KLHL4: variants seen among roughly 807,000 people sequenced by gnomAD.
The protein encoded by KLHL4 is kelch-like protein 4.
A neutral mutation model predicts 45.8 loss-of-function variants in KLHL4; 17 were observed. The ratio of observed to expected loss-of-function variants is 0.37; its 90% confidence interval spans 0.25 to 0.56. The LOEUF (loss-of-function observed/expected upper bound fraction) is 0.56. Among genes scored for constraint, KLHL4 ranks in the 20% least tolerant of loss-of-function variants. The probability of loss-of-function intolerance (pLI) is 0.79; values close to 1 mark genes in which losing one functional copy is unlikely to be tolerated. For synonymous variants in KLHL4, 224 were observed against 189.9 expected, an observed-to-expected ratio of 1.18 and a Z score of -1.47; for missense variants, 544 against 544.9, an observed-to-expected ratio of 1.00 and a Z score of 0.02.
At chrX:87,588,988 C>CA (rs1422811821) in intron 1 of KLHL4, among the ~76,000 whole-genome samples, 1 of 110,895 alleles carries the variant, frequency 9.0e-6, no homozygotes, top group East Asian at 2.8e-4. Context: ...ATAATTTGAT[C>CA]AAAAAATGAG....
intron 1 of KLHL4, among the ~76,000 whole-genome samples, chrX:87,543,744 G>A (rs746321187): frequency 9.0e-6 from 1 of 111,155 alleles, no homozygotes; most frequent in South Asian, 3.9e-4. Context: ...GAGCCAAAAT[G>A]CTCTCAGTCT....
intron 9 of KLHL4, among the ~76,000 whole-genome samples, chrX:87,646,340 A>G (rs182638859): frequency 1.8e-5 from 2 of 111,752 alleles, no homozygotes; most frequent in East Asian, 2.8e-4. Flanking sequence ...TACAGATTCA[A>G]TGCATTTGCC....
At chrX:87,548,353 G>C (rs1029434030) in intron 1 of KLHL4, among the ~76,000 whole-genome samples, 7 of 111,766 alleles carry the variant, frequency 6.3e-5, no homozygotes, top group African/African-American at 2.3e-4. Context: ...TACAAGAAAT[G>C]CTGAAGGAAG....
intron 1 of KLHL4, among the ~76,000 whole-genome samples, chrX:87,574,222 A>C (rs987953293): frequency 2.7e-5 from 3 of 111,542 alleles, no homozygotes; most frequent in African/African-American, 6.5e-5. Context: ...CAATAATCTT[A>C]ACTATTGTGA....
intron 1 of KLHL4, among the ~76,000 whole-genome samples, chrX:87,519,284 T>C (rs1456620494): frequency 1.8e-5 from 2 of 112,049 alleles, no homozygotes; most frequent in Non-Finnish European, 3.8e-5. Flanking sequence ...TAGTTCAACA[T>C]GCTAATTTAT....
chrX:87,548,956 G>T (rs1161281248), intron 1 of KLHL4, among the ~76,000 whole-genome samples: 1 of 109,383 alleles, frequency 9.1e-6, no homozygotes, highest in Non-Finnish European at 1.9e-5. Context: ...GGACTAAACT[G>T]TCCAATCAAA....
chrX:87,526,651 A>G (rs887126000), intron 1 of KLHL4, among the ~76,000 whole-genome samples: 6 of 111,883 alleles, frequency 5.4e-5, no homozygotes, highest in African/African-American at 1.6e-4. Context: ...TAATTATAGG[A>G]AGAACGAAAA....
At chrX:87,631,859 A>T (rs904477265) in intron 6 of KLHL4, among the ~76,000 whole-genome samples, 1 of 112,812 alleles carries the variant, frequency 8.9e-6, no homozygotes, top group Admixed American at 9.4e-5. Context: ...ACAGATGTGC[A>T]AACATTCAAT....
intron 9 of KLHL4, among the ~76,000 whole-genome samples, chrX:87,653,386 A>G (rs1469990463): frequency 8.9e-6 from 1 of 112,151 alleles, no homozygotes; most frequent in Non-Finnish European, 1.9e-5. Flanking sequence ...AAAGCTCAAC[A>G]TCACTTATCG....
At chrX:87,634,182 G>A (rs1275561107) in intron 8 of KLHL4, among the ~76,000 whole-genome samples, 1 of 111,595 alleles carries the variant, frequency 9.0e-6, no homozygotes, top group East Asian at 2.8e-4. Flanking sequence ...CTGAATCCTA[G>A]CCCCGACCCA....
chrX:87,648,509 G>T (rs1450463754), intron 9 of KLHL4, among the ~76,000 whole-genome samples: 3 of 111,264 alleles, frequency 2.7e-5, no homozygotes, highest in African/African-American at 9.8e-5. Context: ...CAAGGTAGAC[G>T]TTTTGAGATT....
Position 87,517,866 on chromosome X carries a change from G to C in KLHL4, c.-28G>C. 8.5e-7 allele frequency: 1 copy of C among 1,170,123 alleles called. No homozygotes were observed. The highest frequency in any genetic ancestry group is 1.1e-6 in the Non-Finnish European group (1 of 874,965). On this transcript the variant is annotated 5_prime_UTR_variant, in exon 1 of 11. Coordinates refer to ENST00000373119, the MANE Select transcript of KLHL4 (RefSeq NM_019117.5). ...AAGGCTCCGTTTCCTTTCTGTGAGA[G>C]AAGGCTTTTGTCTTTCCTCCTGCTA...
At chrX:87,595,019 C>CT (rs369058038) in intron 1 of KLHL4, among the ~76,000 whole-genome samples, 2,010 of 101,114 alleles carry the variant, frequency 0.02, 44 homozygotes, top group African/African-American at 0.063. Context: ...ACCCTTCTCT[C>CT]TTTTTTTTTT....
Position 87,645,302 on chromosome X carries a change from C to T in KLHL4, c.1925+9527C>T, listed in dbSNP as rs747398286. 1.4e-3 allele frequency among the ~76,000 whole-genome samples: 156 copies of T among 111,717 alleles called. 4 individuals are homozygous for T. Among genetic ancestry groups the T allele is most frequent in the Middle Eastern group, 9.3e-3 (2 of 215 alleles). Reference sequence around the variant, plus strand: ...ATGGCCAATAAACATGTGAAAAATGCTCAACATTACTAATGATCAGGGAAA... The same window carrying T: ...ATGGCCAATAAACATGTGAAAAATGTTCAACATTACTAATGATCAGGGAAA... On this transcript the variant is annotated intron_variant, in intron 9 of 10. Transcript: ENST00000373119.
rs190444883 is a variant in KLHL4, at chrX:87,622,849, A to C, written c.1137+426A>C. 1.5e-3 allele frequency among the ~76,000 whole-genome samples: 171 copies of C among 111,704 alleles called. 1 individual carries two copies. The highest frequency in any genetic ancestry group is 5.3e-3 in the African/African-American group (162 of 30,733). ...TATCCGCTACGATCAAAAGAATGCT[A>C]TCATACTTTCGATGCACTATAGCAT... On this transcript the variant is annotated intron_variant, in intron 5 of 10. Coordinates refer to ENST00000373119, the MANE Select transcript of KLHL4 (RefSeq NM_019117.5).
chrX:87,555,893 T>C (rs1203593046), intron 1 of KLHL4, among the ~76,000 whole-genome samples: 1 of 110,546 alleles, frequency 9.0e-6, no homozygotes, highest in Non-Finnish European at 1.9e-5. Flanking sequence ...GCTTTGAATG[T>C]GTCCCAGAGA....
At chrX:87,621,914 T>C (rs969023601) in intron 4 of KLHL4, among the ~76,000 whole-genome samples, 2 of 111,503 alleles carry the variant, frequency 1.8e-5, no homozygotes, top group Admixed American at 1.9e-4. Flanking sequence ...ATACGGCAGC[T>C]GGGAGCAAAA....
chrX:87,645,606 T>C lies in KLHL4; in HGVS notation c.1925+9831T>C, dbSNP rs180971521. The stretch of plus-strand genomic sequence containing the variant: ...CATAAAAGATACTTGCACATGTATG[T>C]TTATAGCAGCACAATTCACACTTGC... On this transcript the variant is annotated intron_variant, in intron 9 of 10. Transcript: ENST00000373119. Among the ~76,000 whole-genome samples, 427 of 111,753 alleles carry C rather than the reference T, an allele frequency of 3.8e-3. 1 individual carries two copies. The highest frequency in any genetic ancestry group is 0.012 in the African/African-American group (385 of 30,813).
At chrX:87,612,765 G>A (rs1922424977) in intron 1 of KLHL4, among the ~76,000 whole-genome samples, 1 of 111,603 alleles carries the variant, frequency 9.0e-6, no homozygotes, top group Non-Finnish European at 1.9e-5. Flanking sequence ...CCAGCACTTT[G>A]GGAGCTAAGC....
Sources: gnomAD v4.1 joint callset for allele counts (sites outside exome capture counted in the v4.1 genomes callset) on GRCh38, gnomAD v4.1.1 for gene constraint, MANE v1.5 for transcripts, NCBI Gene and HGNC (gene_info 2026-07-23, HGNC 2026-07-21) for gene names.